The following TXLNB variants were observed in gnomAD, a reference collection of about 807,000 sequenced individuals.
The protein encoded by TXLNB is beta-taxilin.
A neutral mutation model predicts 57.4 loss-of-function variants in TXLNB; 37 were observed. The observed-to-expected ratio is 0.64, with a 90% CI of 0.50 to 0.85. The LOEUF (loss-of-function observed/expected upper bound fraction) is 0.85. Ranked by LOEUF, TXLNB falls within the 40% of genes least tolerant of loss-of-function variation. TXLNB has a pLI of 0.00. For missense variants in TXLNB, 848 were observed against 825.6 expected, an observed-to-expected ratio of 1.03 and a Z score of -0.33; for synonymous variants, 302 against 309.6, an observed-to-expected ratio of 0.98 and a Z score of 0.26.
At chr6:139,253,522 C>T (rs1776261549) in intron 7 of TXLNB, among the ~76,000 whole-genome samples, 3 of 151,838 alleles carry the variant, frequency 2.0e-5, no homozygotes, top group Admixed American at 2.0e-4. Flanking sequence ...AATTTAGTTC[C>T]ATAGAGGTTT....
the TXLNB span, among the ~76,000 whole-genome samples, chr6:139,310,077 T>A: frequency 1.3e-5 from 2 of 152,328 alleles, no homozygotes; most frequent in South Asian, 4.1e-4. Flanking sequence ...GGCAATGATA[T>A]TTTGGGTATC....
At chr6:139,314,849 T>C in the TXLNB span, among the ~76,000 whole-genome samples, 1 of 152,216 alleles carries the variant, frequency 6.6e-6, no homozygotes, top group African/African-American at 2.4e-5. Flanking sequence ...GAACTAACTT[T>C]GGGAAGGAAT....
chr6:139,184,835 G>A, the TXLNB span, among the ~76,000 whole-genome samples: 1 of 152,128 alleles, frequency 6.6e-6, no homozygotes, highest in East Asian at 1.9e-4. Context: ...CTTGATCAGG[G>A]TTTATTGGAG....
In TXLNB at chr6:139,240,148, G is replaced by A. The variant is rs41289813; in HGVS notation, c.*2378C>T. On this transcript the variant is annotated 3_prime_UTR_variant, in exon 10 of 10. Transcript: ENST00000358430. The stretch of plus-strand genomic sequence containing the variant: ...ATAACTTTAGTGTTTCTAGAAAGTA[G>A]ATGGCATTTCTAAAAAATAGTTACA... 775 of 152,666 alleles carry A rather than the reference G, an allele frequency of 5.1e-3. 4 individuals carry two copies. The highest frequency in any genetic ancestry group is 6.5e-3 in the Non-Finnish European group (439 of 68,012). 9.5% of individuals were successfully genotyped at this position (152,666 alleles called of 1,614,324 possible).
At chr6:139,245,514 C>A (rs1201550617) in intron 8 of TXLNB, 2 of 152,146 alleles carry the variant, frequency 1.3e-5, no homozygotes, top group Non-Finnish European at 2.9e-5. Flanking sequence ...TACTCAGGTG[C>A]AGTTTTCCTG....
intron 7 of TXLNB, among the ~76,000 whole-genome samples, chr6:139,253,870 A>G (rs1776271009): frequency 1.3e-5 from 2 of 152,198 alleles, no homozygotes; most frequent in Non-Finnish European, 1.5e-5. Context: ...CACAGCTTCA[A>G]GTATTATTTA....
In TXLNB at chr6:139,242,654, C is replaced by A; in HGVS notation, c.1927G>T (p.Ala643Ser). Residue 643 changes from alanine to serine, a missense_variant, in exon 10 of 10, where the codon GCC (alanine) becomes TCC (serine). Physicochemically the swap from Ala to Ser is moderately conservative, Grantham distance 99. Coordinates refer to ENST00000358430, the MANE Select transcript of TXLNB (RefSeq NM_153235.4). ...PACAAEEHVA[A>S]MVPACEPSRQ... ...CTGGGCTCGCATGCAGGCACCATGG[C>A]TGCAACGTGCTCTTCTGCTGCGCAT... The A allele has an allele frequency of 6.2e-7, 1 of 1,609,876 alleles. No homozygotes were observed. The highest frequency in any genetic ancestry group is 1.7e-5 in the Admixed American group (1 of 59,334).
chr6:139,321,251 C>A, the TXLNB span, among the ~76,000 whole-genome samples: 1 of 152,086 alleles, frequency 6.6e-6, no homozygotes, highest in South Asian at 2.1e-4. Context: ...GGAGATGGGG[C>A]CTTTTGGAGG....
the TXLNB span, chr6:139,183,659 GAAA>G: frequency 2.6e-5 from 4 of 151,976 alleles, no homozygotes; most frequent in East Asian, 1.9e-4. Flanking sequence ...GTTGACTAAA[GAAA>G]AAAATAGCAA....
At chr6:139,197,674 A>G in the TXLNB span, 12 of 152,226 alleles carry the variant, frequency 7.9e-5, no homozygotes, top group African/African-American at 2.7e-4. Flanking sequence ...GTCTTAGTCC[A>G]TTTGTGCTGC....
At chr6:139,319,956 C>T in the TXLNB span, among the ~76,000 whole-genome samples, 5 of 152,182 alleles carry the variant, frequency 3.3e-5, no homozygotes, top group Admixed American at 6.5e-5. Flanking sequence ...ATTAAAAATA[C>T]ATTTCTACTA....
intron 8 of TXLNB, among the ~76,000 whole-genome samples, chr6:139,247,426 C>T (rs1776090565): frequency 6.6e-6 from 1 of 151,680 alleles, no homozygotes; most frequent in African/African-American, 2.4e-5. Flanking sequence ...AGGCATGAAC[C>T]ACCACGTCTG....
chr6:139,238,677 A>G (rs1775863692), downstream of TXLNB, among the ~76,000 whole-genome samples: 1 of 152,134 alleles, frequency 6.6e-6, no homozygotes, highest in Non-Finnish European at 1.5e-5. Context: ...GATAACCTTA[A>G]TTTTCAAGTT....
chr6:139,203,059 T>C, the TXLNB span, among the ~76,000 whole-genome samples: 1 of 152,208 alleles, frequency 6.6e-6, no homozygotes, highest in Non-Finnish European at 1.5e-5. Context: ...TAGTATTCCA[T>C]TATTTGTATA....
At chr6:139,301,708 A>G in the TXLNB span, among the ~76,000 whole-genome samples, 3 of 152,184 alleles carry the variant, frequency 2.0e-5, no homozygotes, top group Non-Finnish European at 2.9e-5. Flanking sequence ...AAGTCTATGC[A>G]CAGAAATCAA....
At chr6:139,181,006 T>C in the TXLNB span, among the ~76,000 whole-genome samples, 2 of 152,222 alleles carry the variant, frequency 1.3e-5, no homozygotes, top group African/African-American at 4.8e-5. Flanking sequence ...GTAAACTCAC[T>C]TTGCAATAAA....
the TXLNB span, among the ~76,000 whole-genome samples, chr6:139,323,431 T>C: frequency 6.6e-6 from 1 of 151,898 alleles, no homozygotes; most frequent in Non-Finnish European, 1.5e-5. Context: ...TACAGGTGCG[T>C]GCCACCACGC....
the TXLNB span, among the ~76,000 whole-genome samples, chr6:139,232,984 A>G: frequency 6.6e-6 from 1 of 152,318 alleles, no homozygotes; most frequent in African/African-American, 2.4e-5. Context: ...CTTTGTAACA[A>G]CATGTATGAA....
the TXLNB span, among the ~76,000 whole-genome samples, chr6:139,314,851 G>A: frequency 6.6e-6 from 1 of 152,134 alleles, no homozygotes; most frequent in African/African-American, 2.4e-5. Context: ...ACTAACTTTG[G>A]GAAGGAATTC....
Sources: gnomAD v4.1 joint callset for allele counts (sites outside exome capture counted in the v4.1 genomes callset) on GRCh38, gnomAD v4.1.1 for gene constraint, MANE v1.5 for transcripts, NCBI Gene and HGNC (gene_info 2026-07-23, HGNC 2026-07-21) for gene names.